The following PDE3B variants were observed in gnomAD, a reference collection of about 807,000 sequenced individuals.
PDE3B encodes the protein phosphodiesterase 3B, also known as cGMP-inhibited 3',5'-cyclic phosphodiesterase 3B.
A neutral mutation model predicts 116.8 loss-of-function variants in PDE3B; 66 were observed. That is an observed-to-expected ratio of 0.56 (90% CI 0.46 to 0.69). The LOEUF (loss-of-function observed/expected upper bound fraction) is 0.69, where lower values mean the gene tolerates loss of function less well. PDE3B is among the 30% of genes least tolerant of loss of function. The pLI is 0.00. For synonymous variants in PDE3B, 595 were observed against 533.6 expected, an observed-to-expected ratio of 1.12 and a Z score of -1.59; for missense variants, 1,384 against 1,368.1, an observed-to-expected ratio of 1.01 and a Z score of -0.18.
intron 1 of PDE3B, among the ~76,000 whole-genome samples, chr11:14,667,286 G>T (rs1259110378): frequency 2.6e-4 from 39 of 151,034 alleles, no homozygotes; most frequent in Admixed American, 2.3e-3. Flanking sequence ...GACTGTTGTG[G>T]GGTGGGGGGA....
intron 8 of PDE3B, among the ~76,000 whole-genome samples, chr11:14,831,238 A>G (rs1037379): frequency 0.68 from 102,359 of 151,340 alleles, 34,880 homozygotes; most frequent in Middle Eastern, 0.75. Flanking sequence ...TAGGCTTTTA[A>G]GGAAAAGAAA....
chr11:14,795,341 A>G (rs745432452), intron 4 of PDE3B, among the ~76,000 whole-genome samples: 3 of 152,150 alleles, frequency 2.0e-5, no homozygotes. Context: ...CTAAAACCAA[A>G]TATGTATTTC....
chr11:14,880,076 A>G, the PDE3B span: 2 of 1,573,494 alleles, frequency 1.3e-6, no homozygotes, highest in South Asian at 1.1e-5. Context: ...CCAAGACTCA[A>G]AAACATGTAT....
intron 1 of PDE3B, among the ~76,000 whole-genome samples, chr11:14,686,219 C>G (rs1427184360): frequency 6.6e-6 from 1 of 152,190 alleles, no homozygotes; most frequent in African/African-American, 2.4e-5. Flanking sequence ...GACAAAGACA[C>G]AAGTCTTCCA....
At chr11:14,861,492 A>G in intron 14 of PDE3B, 126 bp downstream of exon 14, 1 of 834,866 alleles carries the variant, frequency 1.2e-6, no homozygotes, top group Non-Finnish European at 1.9e-6. Flanking sequence ...AGGGTTAAAA[A>G]TTGTTGCATT....
At chr11:14,761,314 T>C (rs1289020898) in intron 1 of PDE3B, among the ~76,000 whole-genome samples, 1 of 152,166 alleles carries the variant, frequency 6.6e-6, no homozygotes, top group African/African-American at 2.4e-5. Context: ...TTTGGGAAAA[T>C]AAGTTATTTC....
At chr11:14,685,334 C>T (rs1854838926) in intron 1 of PDE3B, among the ~76,000 whole-genome samples, 2 of 152,174 alleles carry the variant, frequency 1.3e-5, no homozygotes, top group South Asian at 2.1e-4. Flanking sequence ...CTCCCCCTGC[C>T]CCAGAATGGG....
At chr11:14,718,744 C>G (rs1002229170) in intron 1 of PDE3B, among the ~76,000 whole-genome samples, 1 of 148,588 alleles carries the variant, frequency 6.7e-6, no homozygotes, top group Non-Finnish European at 1.5e-5. Flanking sequence ...ACACAACATA[C>G]CAGAATCTCT....
At position 14,664,926 on chromosome 11, in the gene PDE3B, C is replaced by T. The variant is rs1205915038; in HGVS notation, c.978+19873C>T. ...TCCCTAACTCATTTTATGAGACCAG[C>T]ATCATCCTGATACCAAAGCCGGGCA... On this transcript the variant is annotated intron_variant, in intron 1 of 15. Coordinates refer to ENST00000282096, the MANE Select transcript of PDE3B (RefSeq NM_000922.4). Among the ~76,000 whole-genome samples the T allele has an allele frequency of 2.0e-5, 3 of 152,162 alleles. No individual in the cohort carries two copies. In the East Asian group the frequency reaches 5.8e-4, roughly 29 times the overall value.
At chr11:14,663,530 A>T (rs887136934) in intron 1 of PDE3B, among the ~76,000 whole-genome samples, 3 of 152,138 alleles carry the variant, frequency 2.0e-5, no homozygotes, top group African/African-American at 7.2e-5. Flanking sequence ...AACCTGTCTC[A>T]CGTGCAGAGA....
At chr11:14,765,135 G>C (rs187656556) in intron 1 of PDE3B, among the ~76,000 whole-genome samples, 1 of 152,044 alleles carries the variant, frequency 6.6e-6, no homozygotes, top group Admixed American at 6.6e-5. Context: ...CATTAGCATA[G>C]ATTTATATAT....
chr11:14,702,697 A>C (rs534851294), intron 1 of PDE3B, among the ~76,000 whole-genome samples: 12 of 152,044 alleles, frequency 7.9e-5, no homozygotes, highest in Admixed American at 3.9e-4. Context: ...GTTTGCATTC[A>C]CACCAGCCAC....
Position 14,870,754 on chromosome 11 carries a change from T to C in PDE3B, c.*1094T>C, listed in dbSNP as rs1848129156. 6.6e-6 allele frequency: 1 copy of C among 152,210 alleles called. No individual in the cohort carries two copies. Among genetic ancestry groups the C allele is most frequent in the Admixed American group, 6.5e-5 (1 of 15,280 alleles). 9.4% of individuals were successfully genotyped at this position (152,210 alleles called of 1,614,324 possible). ...AGAAATGACCTATCACTACTTATTA[T>C]TTCTGAAGCCTAACTGCAAGACTGA... On this transcript the variant is annotated 3_prime_UTR_variant, in exon 16 of 16. Transcript: ENST00000282096. This position sits in a 1 kb window ranked among gnomAD's most constrained non-coding sequence, Gnocchi z 4.1.
chr11:14,703,446 G>A (rs901811041), intron 1 of PDE3B, among the ~76,000 whole-genome samples: 9 of 150,814 alleles, frequency 6.0e-5, no homozygotes, highest in South Asian at 4.2e-4. Context: ...GGAATCTTTT[G>A]TTTAAATTTT....
chr11:14,704,514 G>C (rs1855472234), intron 1 of PDE3B, among the ~76,000 whole-genome samples: 1 of 151,660 alleles, frequency 6.6e-6, no homozygotes, highest in Non-Finnish European at 1.5e-5. Flanking sequence ...GTACATCATT[G>C]GATTTATAGT....
At chr11:14,680,889 C>A (rs773170423) in intron 1 of PDE3B, among the ~76,000 whole-genome samples, 1 of 151,378 alleles carries the variant, frequency 6.6e-6, no homozygotes. Flanking sequence ...ATCAGTGTTT[C>A]GTAATTTTTA....
At chr11:14,678,410 A>T (rs887789639) in intron 1 of PDE3B, among the ~76,000 whole-genome samples, 2 of 152,158 alleles carry the variant, frequency 1.3e-5, no homozygotes, top group Non-Finnish European at 2.9e-5. Flanking sequence ...TTTATAAGAA[A>T]TTGCCACTGT....
At chr11:14,759,230 CTTTT>C (rs1490788050) in intron 1 of PDE3B, among the ~76,000 whole-genome samples, 1 of 151,996 alleles carries the variant, frequency 6.6e-6, no homozygotes, top group Admixed American at 6.6e-5. Context: ...CTAAAATTCT[CTTTT>C]TTGGTTGTGT....
intron 1 of PDE3B, among the ~76,000 whole-genome samples, chr11:14,712,210 C>T (rs923744255): frequency 7.2e-5 from 11 of 152,088 alleles, no homozygotes; most frequent in Admixed American, 3.3e-4. Flanking sequence ...CTCAGCCTCC[C>T]AAGTAGCTAG....
Sources: allele counts gnomAD v4.1 joint callset (sites outside exome capture counted in the v4.1 genomes callset), GRCh38; gene constraint gnomAD v4.1.1; non-coding constraint Gnocchi (gnomAD v3.1); transcripts MANE v1.5; gene names NCBI Gene and HGNC (gene_info 2026-07-23, HGNC 2026-07-21).